The following SSBP2 variants were observed in gnomAD, a reference collection of about 807,000 sequenced individuals.
The protein encoded by SSBP2 is single-stranded DNA-binding protein 2.
A neutral mutation model predicts 61.8 loss-of-function variants in SSBP2; 17 were observed. That is an observed-to-expected ratio of 0.28 (90% CI 0.19 to 0.41). SSBP2 has a LOEUF of 0.41. Ranked by LOEUF, SSBP2 falls within the 10% of genes least tolerant of loss-of-function variation. The pLI is 1.00. For missense variants in SSBP2, 310 were observed against 458.7 expected (o/e 0.68, Z 2.96); for synonymous variants, 139 against 141.3 (o/e 0.98, Z 0.12).
intron 9 of SSBP2, among the ~76,000 whole-genome samples, chr5:81,466,497 CA>C (rs1446467400): frequency 6.6e-6 from 1 of 151,824 alleles, no homozygotes; most frequent in African/African-American, 2.4e-5. Flanking sequence ...CCCAACAAAG[CA>C]AAAGTAGAGA....
intron 1 of SSBP2, among the ~76,000 whole-genome samples, chr5:81,736,273 C>A (rs1291381905): frequency 1.3e-5 from 2 of 152,054 alleles, no homozygotes; most frequent in African/African-American, 4.8e-5. Context: ...GGCGCTATGC[C>A]AAAAGCCCTG....
At chr5:81,578,640 G>A (rs1217386808) in intron 4 of SSBP2, among the ~76,000 whole-genome samples, 1 of 151,802 alleles carries the variant, frequency 6.6e-6, no homozygotes, top group Non-Finnish European at 1.5e-5. Flanking sequence ...GATTAAGAGT[G>A]AGAAAGATTA....
At chr5:81,590,327 T>A (rs1348753106) in intron 4 of SSBP2, among the ~76,000 whole-genome samples, 1 of 152,222 alleles carries the variant, frequency 6.6e-6, no homozygotes, top group Non-Finnish European at 1.5e-5. Context: ...TCTGTTCAAA[T>A]GCTTTCCAAG....
rs536321014 is a variant in SSBP2 at position 81,442,871 on chromosome 5, CCA to C, written c.779-150_779-149del. 260 of 418,764 alleles carry C rather than the reference CCA, an allele frequency of 6.2e-4. 1 individual carries two copies. Among genetic ancestry groups the C allele is most frequent in the African/African-American group, 5.1e-3 (247 of 48,458 alleles). The allele number at this position is 418,764 out of a possible 1,614,324, so 25.9% of individuals were successfully genotyped here. A position where few individuals can be genotyped will look rare whatever the true frequency, so the allele number is the denominator to read the frequency against. On this transcript the variant is annotated intron_variant, in intron 12 of 16. Coordinates refer to ENST00000320672, the MANE Select transcript of SSBP2 (RefSeq NM_012446.5). The stretch of plus-strand genomic sequence containing the variant: ...AATTGTCATTACTAAAAATAAATAC[CCA>C]CAGTCATTTTCTGACCCCAAAATTG...
At chr5:81,461,822 A>G (rs1256239517) in intron 9 of SSBP2, among the ~76,000 whole-genome samples, 1 of 152,166 alleles carries the variant, frequency 6.6e-6, no homozygotes, top group African/African-American at 2.4e-5. Context: ...GCTTCTAAGG[A>G]CACTGAGTTT....
intron 1 of SSBP2, among the ~76,000 whole-genome samples, chr5:81,735,707 G>C (rs1050939597): frequency 1.2e-4 from 18 of 151,884 alleles, no homozygotes; most frequent in African/African-American, 3.9e-4. Flanking sequence ...TAAATAATAA[G>C]ATAATTTTAA....
chr5:81,563,720 T>A (rs1773219895), intron 4 of SSBP2, among the ~76,000 whole-genome samples: 1 of 152,122 alleles, frequency 6.6e-6, no homozygotes, highest in African/African-American at 2.4e-5. Flanking sequence ...GACCCTTATC[T>A]TATACCATAC....
At chr5:81,673,046 C>T (rs1751705483) in intron 1 of SSBP2, among the ~76,000 whole-genome samples, 2 of 152,022 alleles carry the variant, frequency 1.3e-5, no homozygotes, top group Non-Finnish European at 2.9e-5. Context: ...CCATGTTGGC[C>T]AGGCTGATCT....
chr5:81,602,318 T>C (rs1345782131), intron 4 of SSBP2, among the ~76,000 whole-genome samples: 1 of 152,176 alleles, frequency 6.6e-6, no homozygotes, highest in African/African-American at 2.4e-5. Flanking sequence ...ATAAATATAA[T>C]TATTTTTAAA....
intron 4 of SSBP2, among the ~76,000 whole-genome samples, chr5:81,519,251 G>T (rs1273551829): frequency 6.6e-6 from 1 of 152,068 alleles, no homozygotes; most frequent in East Asian, 1.9e-4. Flanking sequence ...ATGTTGGAAA[G>T]AATTATTATC....
At chr5:81,449,388 T>C (rs1395766047) in intron 10 of SSBP2, among the ~76,000 whole-genome samples, 1 of 152,200 alleles carries the variant, frequency 6.6e-6, no homozygotes, top group African/African-American at 2.4e-5. Context: ...AGAAAACCTA[T>C]GTTTAAAAGT....
chr5:81,688,086 C>T (rs1368284805), intron 1 of SSBP2, among the ~76,000 whole-genome samples: 1 of 152,050 alleles, frequency 6.6e-6, no homozygotes, highest in South Asian at 2.1e-4. Context: ...CATTTCTGGA[C>T]CTGTCCTGGC....
At chr5:81,462,577 G>A (rs971286813) in intron 9 of SSBP2, among the ~76,000 whole-genome samples, 2 of 152,156 alleles carry the variant, frequency 1.3e-5, no homozygotes, top group Non-Finnish European at 2.9e-5. Flanking sequence ...TTTGGAAATT[G>A]TTGCCTCTCC....
chr5:81,504,545 T>C (rs1181542855), intron 5 of SSBP2, among the ~76,000 whole-genome samples: 3 of 152,180 alleles, frequency 2.0e-5, no homozygotes, highest in Non-Finnish European at 4.4e-5. Flanking sequence ...TTCCCCCAGA[T>C]ATTACATGGT....
intron 1 of SSBP2, among the ~76,000 whole-genome samples, chr5:81,743,797 T>G (rs1440717181): frequency 6.6e-6 from 1 of 152,122 alleles, no homozygotes; most frequent in Non-Finnish European, 1.5e-5. Context: ...CCTTTACACT[T>G]GAGTGTGTAA....
chr5:81,659,048 T>C (rs765715347), intron 1 of SSBP2, among the ~76,000 whole-genome samples: 15 of 152,062 alleles, frequency 9.9e-5, no homozygotes, highest in Non-Finnish European at 1.5e-5. Context: ...GACAAACCCA[T>C]AGCCAATATC....
chr5:81,698,350 A>G (rs1209633104), intron 1 of SSBP2, among the ~76,000 whole-genome samples: 2 of 152,224 alleles, frequency 1.3e-5, no homozygotes, highest in East Asian at 1.9e-4. Context: ...CTATTTTCAT[A>G]TTTTTTAATT....
chr5:81,457,898 G>A (rs1171566192), intron 10 of SSBP2, among the ~76,000 whole-genome samples: 1 of 152,020 alleles, frequency 6.6e-6, no homozygotes, highest in South Asian at 2.1e-4. Context: ...CTGACCTCAC[G>A]TGATCCACCT....
At chr5:81,420,709 A>C (rs532134578) in intron 16 of SSBP2, among the ~76,000 whole-genome samples, 176 bp from the exon 17 acceptor site, 3 of 152,330 alleles carry the variant, frequency 2.0e-5, no homozygotes, top group African/African-American at 7.2e-5. Context: ...ATACAGACTT[A>C]ACTTAGTACT....
Sources: gnomAD v4.1 joint callset for allele counts (sites outside exome capture counted in the v4.1 genomes callset) on GRCh38, gnomAD v4.1.1 for gene constraint, MANE v1.5 for transcripts, NCBI Gene and HGNC (gene_info 2026-07-23, HGNC 2026-07-21) for gene names.